The following MKLN1 variants were observed in gnomAD, a reference collection of about 807,000 sequenced individuals.
MKLN1 encodes the protein muskelin.
A neutral mutation model predicts 99.0 loss-of-function variants in MKLN1; 18 were observed. The ratio of observed to expected loss-of-function variants is 0.18; its 90% CI spans 0.13 to 0.27. The LOEUF (loss-of-function observed/expected upper bound fraction) is 0.27, where lower values mean the gene tolerates loss of function less well. Ranked by LOEUF, MKLN1 falls within the 10% of genes least tolerant of loss-of-function variation. The probability of loss-of-function intolerance (pLI) is 1.00; values close to 1 mark genes in which losing one functional copy is unlikely to be tolerated. For missense variants in MKLN1, 621 were observed against 875.9 expected (o/e 0.71, Z 3.67); for synonymous variants, 288 against 293.2 (o/e 0.98, Z 0.18).
At chr7:131,374,544 T>TAA (rs1193869196) in intron 1 of MKLN1, among the ~76,000 whole-genome samples, 1 of 152,190 alleles carries the variant, frequency 6.6e-6, no homozygotes, top group Non-Finnish European at 1.5e-5. Context: ...GCCATTTACT[T>TAA]ATTTGTTCAA....
rs945609517 is a variant in MKLN1, at chr7:131,492,839, C to G, written c.*5111C>G. 2 of 152,002 alleles carry G rather than the reference C, an allele frequency of 1.3e-5. No individual in the cohort carries two copies. The highest frequency in any genetic ancestry group is 4.8e-5 in the African/African-American group (2 of 41,354). The allele number at this position is 152,002 out of a possible 1,614,324, so 9.4% of individuals were successfully genotyped here. On this transcript the variant is annotated 3_prime_UTR_variant, in exon 18 of 18. Coordinates refer to ENST00000352689, the MANE Select transcript of MKLN1 (RefSeq NM_013255.5). ...ATCATCTGACGGTAGCTTCTGTAGC[C>G]CTTAACCTAAGGAGTCATTAGAGGT...
At chr7:131,146,329 G>A (rs564325180) in intron 2 of MKLN1, among the ~76,000 whole-genome samples, 13 of 152,278 alleles carry the variant, frequency 8.5e-5, no homozygotes, top group African/African-American at 3.1e-4. Flanking sequence ...GCATCAGAGC[G>A]AGACATTGTC....
intron 3 of MKLN1, among the ~76,000 whole-genome samples, chr7:131,306,650 G>A (rs1798471847): frequency 1.5e-5 from 2 of 136,970 alleles, no homozygotes; most frequent in South Asian, 2.3e-4. Context: ...AAGCAGCAAA[G>A]CACTGAAGAT....
At chr7:131,318,793 A>G (rs1339894010) in intron 3 of MKLN1, among the ~76,000 whole-genome samples, 1 of 152,226 alleles carries the variant, frequency 6.6e-6, no homozygotes, top group Non-Finnish European at 1.5e-5. Flanking sequence ...AATACAAACT[A>G]CCATCAGAGA....
At chr7:131,388,012 C>G (rs1239929993) in intron 3 of MKLN1, among the ~76,000 whole-genome samples, 2 of 152,028 alleles carry the variant, frequency 1.3e-5, no homozygotes, top group Non-Finnish European at 1.5e-5. Context: ...AATAAAAATG[C>G]AAAGATTAGC....
chr7:131,271,031 A>G (rs1192684362), intron 3 of MKLN1, among the ~76,000 whole-genome samples: 1 of 152,174 alleles, frequency 6.6e-6, no homozygotes, highest in Non-Finnish European at 1.5e-5. Flanking sequence ...GCTATTCACT[A>G]TGCTAAACTG....
intron 3 of MKLN1, among the ~76,000 whole-genome samples, chr7:131,275,794 C>T (rs1280819651): frequency 6.6e-6 from 1 of 151,410 alleles, no homozygotes; most frequent in Non-Finnish European, 1.5e-5. Flanking sequence ...CAGTCCATAA[C>T]CACCTTGATT....
Position 131,487,625 on chromosome 7 carries a change from A to T in MKLN1, c.2105A>T (p.His702Leu). ...TCACCAGGCTTTTCTGATGTGGATC[A>T]CACCTATGCTCAAAGAACTCAGCTC... is the stretch of plus-strand genomic sequence containing the variant. ...FTALGFSDVD[H>L]TYAQRTQLFD... Residue 702 changes from histidine to leucine, a missense_variant, in exon 18 of 18, where the codon CAC (histidine) becomes CTC (leucine). His to Leu is a moderately conservative substitution (Grantham distance 99). Coordinates refer to ENST00000352689, the MANE Select transcript of MKLN1 (RefSeq NM_013255.5). The surrounding 1 kb of genome is among the most constrained non-coding windows in gnomAD (Gnocchi z 4.7). The T allele has an allele frequency of 6.2e-7, 1 of 1,612,498 alleles. No individual in the cohort carries two copies. The highest frequency in any genetic ancestry group is 8.5e-7 in the Non-Finnish European group (1 of 1,179,148).
intron 2 of MKLN1, among the ~76,000 whole-genome samples, chr7:131,165,473 C>A (rs1260996378): frequency 1.3e-5 from 2 of 152,176 alleles, no homozygotes; most frequent in East Asian, 3.9e-4. Flanking sequence ...GCGTGAGCCA[C>A]CACGCCCGGC....
intron 6 of MKLN1, among the ~76,000 whole-genome samples, chr7:131,409,788 T>TA (rs1331087686): frequency 6.6e-6 from 1 of 152,196 alleles, no homozygotes; most frequent in African/African-American, 2.4e-5. Context: ...AAGGAAATGT[T>TA]ATTGTAGCAC....
rs753046409 is a variant in MKLN1 at position 131,414,627 on chromosome 7, CTA to C, written c.782-16_782-15del. The C allele has an allele frequency of 1.3e-6, 2 of 1,553,592 alleles. No individual in the cohort carries two copies. The highest frequency in any genetic ancestry group is 3.4e-5 in the Admixed American group (2 of 58,738). On this transcript the variant is annotated splice_polypyrimidine_tract_variant and intron_variant, in intron 7 of 17. Transcript: ENST00000352689. ...TTCTTTGTTATTCCTTTAAAAGAAA[CTA>C]TTATTTCTTCTAAAGGTGATGGGGA...
intron 3 of MKLN1, among the ~76,000 whole-genome samples, chr7:131,224,298 C>A (rs750607664): frequency 1.3e-5 from 2 of 152,200 alleles, no homozygotes; most frequent in African/African-American, 2.4e-5. Flanking sequence ...GTAATCCCAG[C>A]ACTTTGGGAG....
intron 15 of MKLN1, among the ~76,000 whole-genome samples, chr7:131,468,471 TC>T (rs1796720602): frequency 6.6e-6 from 1 of 152,198 alleles, no homozygotes; most frequent in Admixed American, 6.5e-5. Context: ...TTTGTTTTGT[TC>T]GTAATGGAAA....
rs1164863138 is a variant in MKLN1, at chr7:131,496,405, GCTTAT to G, written c.*8681_*8685del. ...TTCCCCATTCCCCTCATGATCTCTG[GCTTAT>G]CTTTTATCCAATCTGTATGGACTTT... On this transcript the variant is annotated 3_prime_UTR_variant, in exon 18 of 18. Transcript: ENST00000352689. 7.2e-5 allele frequency: 11 copies of G among 151,760 alleles called. No homozygotes were observed. The highest frequency in any genetic ancestry group is 2.7e-4 in the African/African-American group (11 of 41,220). The allele number at this position is 151,760 out of a possible 1,614,324, so 9.4% of individuals were successfully genotyped here. A position where few individuals can be genotyped will look rare whatever the true frequency, so the allele number is the denominator to read the frequency against.
intron 2 of MKLN1, among the ~76,000 whole-genome samples, chr7:131,380,485 GAATAA>G (rs1193826653): frequency 6.6e-6 from 1 of 152,120 alleles, no homozygotes; most frequent in Non-Finnish European, 1.5e-5. Context: ...GCACTTATGA[GAATAA>G]AATAAGAATG....
intron 2 of MKLN1, among the ~76,000 whole-genome samples, chr7:131,163,950 T>A (rs751776477): frequency 1.3e-5 from 2 of 152,228 alleles, no homozygotes; most frequent in Non-Finnish European, 2.9e-5. Flanking sequence ...CTCCTTGGGC[T>A]ATTTTTCCAA....
At chr7:131,442,580 T>C (rs1002932157) in intron 10 of MKLN1, among the ~76,000 whole-genome samples, 1 of 152,204 alleles carries the variant, frequency 6.6e-6, no homozygotes, top group African/African-American at 2.4e-5. Flanking sequence ...AATAGCCTTT[T>C]GTTTAAAAAA....
intron 16 of MKLN1, among the ~76,000 whole-genome samples, chr7:131,476,988 G>A (rs1001113995): frequency 3.3e-5 from 5 of 152,152 alleles, no homozygotes; most frequent in Admixed American, 1.3e-4. Flanking sequence ...GGAAAAGAAA[G>A]TTTTTAACAA....
intron 1 of MKLN1, among the ~76,000 whole-genome samples, chr7:131,142,594 G>T (rs1484369691): frequency 2.6e-5 from 4 of 151,238 alleles, no homozygotes; most frequent in African/African-American, 9.7e-5. Context: ...AATTAGCTGG[G>T]CGTGTAGGCG....
Sources: gnomAD v4.1 joint callset for allele counts (sites outside exome capture counted in the v4.1 genomes callset) on GRCh38, gnomAD v4.1.1 for gene constraint, Gnocchi (gnomAD v3.1) non-coding constraint, MANE v1.5 for transcripts, NCBI Gene and HGNC (gene_info 2026-07-23, HGNC 2026-07-21) for gene names.